NRL: variants seen among roughly 807,000 people sequenced by gnomAD.
The protein encoded by NRL is neural retina-specific leucine zipper protein.
NRL carries 16 observed loss-of-function variants against 12.5 expected under a neutral mutation model. That is an observed-to-expected ratio of 1.28 (90% CI 0.87 to 1.95). The LOEUF (loss-of-function observed/expected upper bound fraction) is 1.95, where lower values mean the gene tolerates loss of function less well. Ranked by LOEUF, NRL falls within the 30% of genes most tolerant of loss-of-function variation. The probability of loss-of-function intolerance (pLI) is 0.00; values close to 1 mark genes in which losing one functional copy is unlikely to be tolerated. For synonymous variants in NRL, 142 were observed against 150.9 expected, an observed-to-expected ratio of 0.94 and a Z score of 0.43; for missense variants, 314 against 325.8, an observed-to-expected ratio of 0.96 and a Z score of 0.28.
In NRL at chr14:24,094,691, ACT is replaced by A; in HGVS notation, c.-27-11818_-27-11817del. 6.6e-7 allele frequency: 1 copy of A among 1,519,404 alleles called. No individual in the cohort carries two copies. Among genetic ancestry groups the A allele is most frequent in the Non-Finnish European group, 8.8e-7 (1 of 1,136,824 alleles). 94.1% of individuals were successfully genotyped at this position (1,519,404 alleles called of 1,614,324 possible). On this transcript the variant is annotated intron_variant, in intron 1 of 2. Transcript: ENST00000561028. The surrounding 1 kb of genome is among the most constrained non-coding windows in gnomAD (Gnocchi z 4.1). The stretch of plus-strand genomic sequence containing the variant: ...TCTGACCGCGCGATCTCTATCTGCC[ACT>A]CTCAGAACTTCCTCTCTCTCCTCGC...
At chr14:24,095,715 C>A (rs2036843199) in intron 1 of NRL, among the ~76,000 whole-genome samples, 1 of 152,208 alleles carries the variant, frequency 6.6e-6, no homozygotes. Flanking sequence ...TCTTTGCTCT[C>A]TCGGGTTTAC....
At position 24,082,676 on chromosome 14, in the gene NRL, A is replaced by G; in HGVS notation, c.173T>C (p.Met58Thr). ...PPSPTFSEPG[M>T]VGATEGTRPG... ...CCGGGTGCCCTCGGTTGCCCCCACC[A>G]TGCCTGGTTCACTGAAGGTGGGTGA... The change falls in exon 2 of 3, where the codon ATG (methionine) becomes ACG (threonine). Residue 58 changes from methionine (M) to threonine (T), a missense_variant. By Grantham distance (81) the Met-to-Thr change is moderately conservative (BLOSUM62 -1). Transcript: ENST00000561028. 1 of 1,614,098 alleles carries G rather than the reference A, an allele frequency of 6.2e-7. No homozygotes were observed. The highest frequency in any genetic ancestry group is 8.5e-7 in the Non-Finnish European group (1 of 1,180,020).
chr14:24,102,136 G>A (rs1407968820), intron 1 of NRL, among the ~76,000 whole-genome samples: 5 of 152,206 alleles, frequency 3.3e-5, no homozygotes, highest in Non-Finnish European at 5.9e-5. Context: ...GCTGAGGTAG[G>A]AGAATTGTTT....
chr14:24,094,425 C>G lies in NRL; in HGVS notation c.-27-11550G>C. ...GGTGCCATGGCCGCATTGTACCGCC[C>G]TGGCCTGCGGTGAGTGACCCCCGGC... On this transcript the variant is annotated intron_variant, in intron 1 of 2. Transcript: ENST00000561028. This position sits in a 1 kb window ranked among gnomAD's most constrained non-coding sequence, Gnocchi z 4.1. 1 of 1,557,886 alleles carries G rather than the reference C, an allele frequency of 6.4e-7. No individual in the cohort carries two copies. The highest frequency in any genetic ancestry group is 1.2e-5 in the South Asian group (1 of 85,286).
chr14:24,082,180 C>T (rs765162763), intron 2 of NRL: 5 of 606,788 alleles, frequency 8.2e-6, no homozygotes, highest in Non-Finnish European at 1.0e-5. Context: ...GTTTACCCCC[C>T]GGAGTCGCCC....
intron 1 of NRL, among the ~76,000 whole-genome samples, chr14:24,091,242 C>G (rs1428881255): frequency 6.6e-6 from 1 of 151,898 alleles, no homozygotes; most frequent in East Asian, 1.9e-4. Context: ...CCTCCGCCTC[C>G]CGGGTTCAAG....
At chr14:24,089,028 T>C (rs1388032374) in intron 1 of NRL, among the ~76,000 whole-genome samples, 1 of 151,718 alleles carries the variant, frequency 6.6e-6, no homozygotes. Context: ...ATGGTCTCGA[T>C]CTCCTGACCT....
In NRL at chr14:24,081,986, G is replaced by A. The variant is rs1248774555; in HGVS notation, c.382-418C>T. ...AACCCGGTGACCCTCACAGGATTTG[G>A]ATTACATCCTAATGCCCGCAACACC... On this transcript the variant is annotated intron_variant, in intron 2 of 2. Transcript: ENST00000561028. This position sits in a 1 kb window ranked among gnomAD's most constrained non-coding sequence, Gnocchi z 4.4. 2 of 1,214,436 alleles carry A rather than the reference G, an allele frequency of 1.6e-6. No individual in the cohort carries two copies. The highest frequency in any genetic ancestry group is 2.1e-6 in the Non-Finnish European group (2 of 964,128). 75.2% of individuals were successfully genotyped at this position (1,214,436 alleles called of 1,614,324 possible).
intron 1 of NRL, 85 bp downstream of exon 1, chr14:24,114,637 T>A (rs3825583): frequency 0.076 from 73,922 of 976,522 alleles, 3,752 homozygotes; most frequent in African/African-American, 0.23. Flanking sequence ...AGTTCCCACT[T>A]ACTCCTCCCC....
chr14:24,096,519 G>A (rs1452939393), intron 1 of NRL, among the ~76,000 whole-genome samples: 1 of 152,078 alleles, frequency 6.6e-6, no homozygotes, highest in Non-Finnish European at 1.5e-5. Flanking sequence ...ACAGGCATGA[G>A]CCACCGTGCC....
chr14:24,081,524 C>A lies in NRL; in HGVS notation c.426G>T (p.Val142=). 1.2e-6 allele frequency: 2 copies of A among 1,604,662 alleles called. No individual in the cohort carries two copies. The highest frequency in any genetic ancestry group is 1.7e-6 in the Non-Finnish European group (2 of 1,177,034). The change falls in exon 3 of 3, where the codon GTG becomes GTT. Residue 142 remains valine, a synonymous_variant. Transcript: ENST00000561028. The surrounding 1 kb of genome is among the most constrained non-coding windows in gnomAD (Gnocchi z 4.4). ...CCCGCAGCTGCCGGTTTAGCTCCCG[C>A]ACAGACATCGAGACCAGCGCCGCGT... ...FSDAALVSMS[V]RELNRQLRGC...
intron 1 of NRL, among the ~76,000 whole-genome samples, chr14:24,089,871 G>A (rs1566565752): frequency 6.6e-6 from 1 of 152,200 alleles, no homozygotes; most frequent in Admixed American, 6.5e-5. Context: ...TGCAAAGGTT[G>A]TGAGGCAGGA....
Position 24,081,377 on chromosome 14 carries a change from G to A in NRL, c.573C>T (p.Arg191=). The part of the protein sequence containing the change: ...LQQRRGLEAE[R]ARLAAQLDAL... ...CGTCCAGCTGGGCGGCCAGGCGGGC[G>A]CGCTCGGCCTCCAGCCCGCGCCGCT... The change falls in exon 3 of 3, where the codon CGC becomes CGT. Residue 191 remains arginine (R), a synonymous_variant. Transcript: ENST00000561028. This position sits in a 1 kb window ranked among gnomAD's most constrained non-coding sequence, Gnocchi z 4.4. 1 of 1,428,054 alleles carries A rather than the reference G, an allele frequency of 7.0e-7. No homozygotes were observed. Among genetic ancestry groups the A allele is most frequent in the Non-Finnish European group, 9.1e-7 (1 of 1,094,344 alleles). 88.5% of individuals were successfully genotyped at this position (1,428,054 alleles called of 1,614,324 possible).
intron 1 of NRL, chr14:24,102,554 G>A: frequency 1.7e-6 from 1 of 574,724 alleles, no homozygotes; most frequent in Non-Finnish European, 3.1e-6. Flanking sequence ...AGCTCAGCTG[G>A]CCGCACCTTC....
chr14:24,092,412 A>G (rs1329718975), intron 1 of NRL, among the ~76,000 whole-genome samples: 3 of 152,118 alleles, frequency 2.0e-5, no homozygotes, highest in Non-Finnish European at 4.4e-5. Flanking sequence ...CTTTGGGGCA[A>G]CTGGCCAGAT....
chr14:24,091,243 C>T (rs987595753), intron 1 of NRL, among the ~76,000 whole-genome samples: 9 of 151,868 alleles, frequency 5.9e-5, no homozygotes, highest in Non-Finnish European at 1.0e-4. Context: ...CTCCGCCTCC[C>T]GGGTTCAAGC....
intron 1 of NRL, among the ~76,000 whole-genome samples, chr14:24,096,437 A>G (rs868592310): frequency 1.3e-5 from 2 of 151,900 alleles, no homozygotes; most frequent in East Asian, 1.9e-4. Context: ...GGGTTTCACC[A>G]TGTTGCCCAG....
At chr14:24,104,097 C>A in intron 1 of NRL, 1 of 643,800 alleles carries the variant, frequency 1.6e-6, no homozygotes, top group Non-Finnish European at 2.8e-6. Flanking sequence ...CAAAGACTGT[C>A]CAATAATAAG....
chr14:24,098,089 G>A (rs2036974134), intron 1 of NRL: 1 of 818,134 alleles, frequency 1.2e-6, no homozygotes, highest in Non-Finnish European at 1.9e-6. Flanking sequence ...TGATTGGGTG[G>A]GGAAACATAA....
Sources: allele counts gnomAD v4.1 joint callset (sites outside exome capture counted in the v4.1 genomes callset), GRCh38; gene constraint gnomAD v4.1.1; non-coding constraint Gnocchi (gnomAD v3.1); transcripts MANE v1.5; gene names NCBI Gene and HGNC (gene_info 2026-07-23, HGNC 2026-07-21).